Variants in LRRC9 observed in about 807,000 individuals in gnomAD.
LRRC9 encodes leucine-rich repeat-containing protein 9.
A neutral mutation model predicts 63.2 loss-of-function variants in LRRC9; 122 were observed. The ratio of observed to expected loss-of-function variants is 1.93; its 90% CI spans 1.67 to 2.24. The LOEUF (loss-of-function observed/expected upper bound fraction) is 2.24. Among genes scored for constraint, LRRC9 ranks in the 30% most tolerant of loss-of-function variants. LRRC9 has a pLI of 0.00. For missense variants in LRRC9, 1,071 were observed against 627.7 expected, an observed-to-expected ratio of 1.71 and a Z score of -7.55; for synonymous variants, 366 against 213.1, an observed-to-expected ratio of 1.72 and a Z score of -6.25.
In LRRC9 at chr14:60,004,043, A is replaced by G. The variant is rs1344060706; in HGVS notation, c.2842+245A>G. Among the ~76,000 whole-genome samples the G allele has an allele frequency of 1.3e-5, 2 of 152,216 alleles. No homozygotes were observed. Among genetic ancestry groups the G allele is most frequent in the South Asian group, 4.1e-4 (2 of 4,836 alleles). On this transcript the variant is annotated intron_variant, in intron 21 of 31. Transcript: ENST00000445360. The surrounding 1 kb of genome is among the most constrained non-coding windows in gnomAD (Gnocchi z 4.8). ...GTACAAGATAAATGGATACAATATT[A>G]TCTGTCAAATTAAAAAATAAAAGAT... is the stretch of plus-strand genomic sequence containing the variant.
intron 17 of LRRC9, among the ~76,000 whole-genome samples, chr14:59,988,339 T>C (rs1006351192): frequency 5.3e-5 from 8 of 152,148 alleles, no homozygotes; most frequent in African/African-American, 1.9e-4. Flanking sequence ...TATGAATATA[T>C]GTGTGCATGT....
chr14:59,964,618 A>G lies in LRRC9; in HGVS notation c.1212-1971A>G, dbSNP rs1884650970. On this transcript the variant is annotated intron_variant, in intron 10 of 31. Coordinates refer to ENST00000445360, the Ensembl canonical transcript of LRRC9. This position sits in a 1 kb window ranked among gnomAD's most constrained non-coding sequence, Gnocchi z 4.4. ...CAAAAACTTTATCTAAAACGCCTAC[A>G]GCCCTAGTTTCTATCAGAGTGCAGA... 1.3e-5 allele frequency among the ~76,000 whole-genome samples: 2 copies of G among 152,278 alleles called. No homozygotes were observed. Among genetic ancestry groups the G allele is most frequent in the Non-Finnish European group, 1.5e-5 (1 of 68,024 alleles).
chr14:59,948,350 A>G (rs1294221688), intron 8 of LRRC9, among the ~76,000 whole-genome samples: 2 of 144,656 alleles, frequency 1.4e-5, no homozygotes, highest in African/African-American at 5.3e-5. Flanking sequence ...ATTTTTGTAC[A>G]TTAATTTTGT....
Position 60,027,785 on chromosome 14 carries a change from G to T in LRRC9, c.3704-99G>T. On this transcript the variant is annotated intron_variant, in intron 27 of 31. Transcript: ENST00000445360. This position sits in a 1 kb window ranked among gnomAD's most constrained non-coding sequence, Gnocchi z 4.0. ...GTTTCTTGAATCCTTTACTTCTTTT[G>T]ACAAATCATCTGATTAAAAAATATT... 74 of 493,468 alleles carry T rather than the reference G, an allele frequency of 1.5e-4. No individual in the cohort carries two copies. The highest frequency in any genetic ancestry group is 3.3e-4 in the South Asian group (9 of 27,120). 30.6% of individuals were successfully genotyped at this position (493,468 alleles called of 1,614,324 possible).
At chr14:60,010,528 C>T (rs779558176) in intron 23 of LRRC9, among the ~76,000 whole-genome samples, 1 of 152,176 alleles carries the variant, frequency 6.6e-6, no homozygotes, top group Non-Finnish European at 1.5e-5. Context: ...CTCTGACATG[C>T]CCTGGAGACG....
Position 60,058,172 on chromosome 14 carries a change from G to T in LRRC9, c.4276+150G>T. ...TGCTCAAGTTTCCTATGGCCATTTT[G>T]ATTTCAGAGATTATAGTTTTATTAT... On this transcript the variant is annotated intron_variant, in intron 31 of 31. Transcript: ENST00000445360. The surrounding 1 kb of genome is among the most constrained non-coding windows in gnomAD (Gnocchi z 4.4). The T allele has an allele frequency of 2.2e-6, 1 of 453,066 alleles. No individual in the cohort carries two copies. The highest frequency in any genetic ancestry group is 4.0e-6 in the Non-Finnish European group (1 of 252,012). The allele number at this position is 453,066 out of a possible 1,614,324, so 28.1% of individuals were successfully genotyped here. A position where few individuals can be genotyped will look rare whatever the true frequency, so the allele number is the denominator to read the frequency against.
In LRRC9 at chr14:59,962,409, AT is replaced by A. The variant is rs200963575; in HGVS notation, c.1211+1376del. Among the ~76,000 whole-genome samples the A allele has an allele frequency of 7.5e-4, 110 of 146,756 alleles. No individual in the cohort carries two copies. The highest frequency in any genetic ancestry group is 3.5e-3 in the Middle Eastern group (1 of 282). On this transcript the variant is annotated intron_variant, in intron 10 of 31. Coordinates refer to ENST00000445360, the Ensembl canonical transcript of LRRC9. This position sits in a 1 kb window ranked among gnomAD's most constrained non-coding sequence, Gnocchi z 5.1. ...TTTATATTCACTCAACCTAAACAGGATTTTTTTTTTTTGAGATAGAGTCTCG... is the reference window on the plus strand; with the variant it reads ...TTTATATTCACTCAACCTAAACAGGATTTTTTTTTTTGAGATAGAGTCTCG...
exon 16 of LRRC9, chr14:59,981,896 G>A (rs1435779051): frequency 1.4e-6 from 1 of 701,602 alleles, no homozygotes; most frequent in Admixed American, 2.0e-5. Flanking sequence ...TATTCTAGAA[G>A]AAAGCAAAAA....
At position 60,019,117 on chromosome 14, in the gene LRRC9, G is replaced by T. The variant is rs1890921671; in HGVS notation, c.3427-4G>T. The T allele has an allele frequency of 1.5e-6, 1 of 662,894 alleles. No homozygotes were observed. The highest frequency in any genetic ancestry group is 2.7e-6 in the Non-Finnish European group (1 of 368,934). 41.1% of individuals were successfully genotyped at this position (662,894 alleles called of 1,614,324 possible). ...TTCTGATTAATAAGATATTCTTTCT[G>T]TAGGTCTTATGCCTTAACTATAATC... is the stretch of plus-strand genomic sequence containing the variant. On this transcript the variant is annotated splice_polypyrimidine_tract_variant and splice_region_variant and intron_variant, in intron 25 of 31. Transcript: ENST00000445360.
At chr14:59,985,285 G>A (rs1472535833) in intron 17 of LRRC9, 61 bp downstream of exon 17, 1 of 559,860 alleles carries the variant, frequency 1.8e-6, no homozygotes, top group East Asian at 2.9e-5. Context: ...GTAGAATGGT[G>A]GTTATCAGGG....
At chr14:59,961,072 C>A in intron 10 of LRRC9, 27 bp downstream of exon 10, 1 of 597,398 alleles carries the variant, frequency 1.7e-6, no homozygotes. Context: ...TTTAGTATAG[C>A]TTTAAAAATA....
intron 7 of LRRC9, among the ~76,000 whole-genome samples, chr14:59,943,819 C>T (rs1882048662): frequency 6.6e-6 from 1 of 152,016 alleles, no homozygotes; most frequent in Non-Finnish European, 1.5e-5. Context: ...GAAAAGACTG[C>T]ATCTGTAGAA....
chr14:59,928,069 C>A, intron 2 of LRRC9, 78 bp downstream of exon 2: 1 of 631,578 alleles, frequency 1.6e-6, no homozygotes, highest in Non-Finnish European at 2.8e-6. Context: ...CTTTCTAGAG[C>A]TGGAAGGGTT....
chr14:60,037,273 A>G (rs545910892), intron 29 of LRRC9, among the ~76,000 whole-genome samples: 5 of 152,286 alleles, frequency 3.3e-5, no homozygotes, highest in Middle Eastern at 3.4e-3. Flanking sequence ...TCCTTTGGGT[A>G]TATGTCCAGT....
chr14:59,956,940 A>C (rs1270903747), intron 8 of LRRC9, among the ~76,000 whole-genome samples: 1 of 152,186 alleles, frequency 6.6e-6, no homozygotes, highest in African/African-American at 2.4e-5. Context: ...TTTCTTTAAG[A>C]ATGTTGAATA....
At chr14:60,043,933 C>T (rs1415959079) in intron 29 of LRRC9, among the ~76,000 whole-genome samples, 1 of 151,430 alleles carries the variant, frequency 6.6e-6, no homozygotes, top group Non-Finnish European at 1.5e-5. Context: ...TCATCAGGTA[C>T]TGGGCTTTTC....
chr14:59,989,646 C>A (rs1471391477), intron 17 of LRRC9, among the ~76,000 whole-genome samples: 1 of 151,994 alleles, frequency 6.6e-6, no homozygotes, highest in African/African-American at 2.4e-5. Context: ...GCATATTTTT[C>A]TGGTGTACTT....
At chr14:59,935,284 A>T (rs1299458076) in intron 6 of LRRC9, among the ~76,000 whole-genome samples, 1 of 138,692 alleles carries the variant, frequency 7.2e-6, no homozygotes, top group East Asian at 2.2e-4. Context: ...ACAGAGTGAG[A>T]CTAGGTCTCA....
At position 59,938,460 on chromosome 14, in the gene LRRC9, ATCCAG is replaced by A; in HGVS notation, c.616_620del (p.Pro206LeufsTer5). Reference sequence around the variant, plus strand: ...CTGAATGACCCTCAATATACAACCAATCCAGTTTGTCTTCTGTGTAATTATTCCAC... The same window carrying A: ...CTGAATGACCCTCAATATACAACCAATTTGTCTTCTGTGTAATTATTCCAC... On this transcript the variant is annotated frameshift_variant, in exon 7 of 32. Coordinates refer to ENST00000445360, the Ensembl canonical transcript of LRRC9. LOFTEE classifies it high-confidence loss of function. This position sits in a 1 kb window ranked among gnomAD's most constrained non-coding sequence, Gnocchi z 4.2. 1 of 698,238 alleles carries A rather than the reference ATCCAG, an allele frequency of 1.4e-6. No individual in the cohort carries two copies. Among genetic ancestry groups the A allele is most frequent in the Non-Finnish European group, 2.6e-6 (1 of 382,794 alleles). The allele number at this position is 698,238 out of a possible 1,614,324, so 43.3% of individuals were successfully genotyped here. A position where few individuals can be genotyped will look rare whatever the true frequency, so the allele number is the denominator to read the frequency against.
Sources: gnomAD v4.1 joint callset for allele counts (sites outside exome capture counted in the v4.1 genomes callset) on GRCh38, gnomAD v4.1.1 for gene constraint, Gnocchi (gnomAD v3.1) non-coding constraint, MANE v1.5 for transcripts, NCBI Gene and HGNC (gene_info 2026-07-23, HGNC 2026-07-21) for gene names.